The following HDAC9 variants were observed in gnomAD, a reference collection of about 807,000 sequenced individuals.
HDAC9 encodes histone deacetylase 9, also known as MEF-2 interacting transcription repressor (MITR) protein.
HDAC9 carries 41 observed loss-of-function variants against 139.4 expected under a neutral mutation model. That is an observed-to-expected ratio of 0.29 (90% confidence interval 0.23 to 0.38). The LOEUF (loss-of-function observed/expected upper bound fraction) is 0.38. Among genes scored for constraint, HDAC9 ranks in the 10% least tolerant of loss-of-function variants. The pLI is 1.00. For missense variants in HDAC9, 1,147 were observed against 1,297.0 expected, an observed-to-expected ratio of 0.88 and a Z score of 1.78; for synonymous variants, 517 against 476.2, an observed-to-expected ratio of 1.09 and a Z score of -1.12.
intron 17 of HDAC9, among the ~76,000 whole-genome samples, chr7:18,822,937 G>A (rs1004823594): frequency 6.6e-6 from 1 of 152,166 alleles, no homozygotes; most frequent in African/African-American, 2.4e-5. Flanking sequence ...TGTTATTTTT[G>A]TATTATATAT....
Position 18,479,111 on chromosome 7 carries a change from T to C in HDAC9, c.-41-17151T>C, listed in dbSNP as rs192403957. On this transcript the variant is annotated intron_variant, in intron 1 of 3. Transcript: ENST00000413509. ...TTAAAAGTGTCTTTGCACAAAATTATATTATTATATCATGTTTATCAATCT... is the reference window on the plus strand; with the variant it reads ...TTAAAAGTGTCTTTGCACAAAATTACATTATTATATCATGTTTATCAATCT... Among the ~76,000 whole-genome samples the C allele has an allele frequency of 1.8e-4, 28 of 152,278 alleles. No homozygotes were observed. The Middle Eastern group carries it at 0.01, about 55-fold the overall frequency.
intron 13 of HDAC9, among the ~76,000 whole-genome samples, chr7:18,733,680 TATAC>T (rs1373958609): frequency 6.6e-6 from 1 of 151,930 alleles, no homozygotes; most frequent in Non-Finnish European, 1.5e-5. Context: ...ATCTCATATG[TATAC>T]ATACATACAC....
intron 22 of HDAC9, among the ~76,000 whole-genome samples, chr7:18,881,952 G>A (rs980657215): frequency 1.3e-5 from 2 of 152,020 alleles, no homozygotes; most frequent in Admixed American, 1.3e-4. Context: ...TTAGATTAGG[G>A]TGAACACAGG....
intron 1 of HDAC9, among the ~76,000 whole-genome samples, chr7:18,108,517 G>A (rs1482978247): frequency 6.6e-6 from 1 of 151,732 alleles, no homozygotes; most frequent in Non-Finnish European, 1.5e-5. Flanking sequence ...TATTTCAAAT[G>A]AGAACTTATT....
intron 14 of HDAC9, among the ~76,000 whole-genome samples, chr7:18,756,475 C>G (rs893755741): frequency 6.6e-6 from 1 of 152,184 alleles, no homozygotes; most frequent in Non-Finnish European, 1.5e-5. Context: ...TTTGAAAATC[C>G]TTATTCAGGT....
At chr7:18,830,984 C>T (rs1263153545) in intron 19 of HDAC9, among the ~76,000 whole-genome samples, 2 of 152,222 alleles carry the variant, frequency 1.3e-5, no homozygotes, top group Non-Finnish European at 2.9e-5. Flanking sequence ...GTATGCTCCT[C>T]TTTCTGTAAG....
intron 1 of HDAC9, among the ~76,000 whole-genome samples, chr7:18,121,785 C>A (rs1784379925): frequency 6.6e-6 from 1 of 152,014 alleles, no homozygotes; most frequent in Non-Finnish European, 1.5e-5. Flanking sequence ...ATAATAACTA[C>A]ATTCTTTTTA....
intron 1 of HDAC9, among the ~76,000 whole-genome samples, chr7:18,479,500 T>C (rs1795376783): frequency 6.6e-6 from 1 of 152,206 alleles, no homozygotes; most frequent in African/African-American, 2.4e-5. Flanking sequence ...CCTAGTTGTC[T>C]ATATTTGAAC....
At chr7:18,958,675 G>A (rs1585408938) in intron 24 of HDAC9, among the ~76,000 whole-genome samples, 1 of 152,126 alleles carries the variant, frequency 6.6e-6, no homozygotes. Context: ...CTGCAAATGT[G>A]TGTTGAATGA....
intron 14 of HDAC9, 32 bp from the exon 15 acceptor site, chr7:18,762,125 G>A: frequency 6.2e-7 from 1 of 1,612,460 alleles, no homozygotes; most frequent in Non-Finnish European, 8.5e-7. Context: ...GTTGTCAGTG[G>A]TGTACTGTTG....
intron 2 of HDAC9, among the ~76,000 whole-genome samples, chr7:18,528,147 A>G (rs60760278): frequency 6.6e-6 from 1 of 152,030 alleles, no homozygotes; most frequent in African/African-American, 2.4e-5. Flanking sequence ...GAAAATAAAA[A>G]TAAAAATAAA....
intron 2 of HDAC9, among the ~76,000 whole-genome samples, chr7:18,190,063 C>G (rs796874870): frequency 6.6e-6 from 1 of 151,988 alleles, no homozygotes; most frequent in Non-Finnish European, 1.5e-5. Context: ...CCTCAACCTC[C>G]CAACTAGCTG....
chr7:18,677,396 A>T (rs1248091139), intron 12 of HDAC9, among the ~76,000 whole-genome samples: 1 of 151,830 alleles, frequency 6.6e-6, no homozygotes, highest in African/African-American at 2.4e-5. Context: ...TATTGATGGA[A>T]ATGTAGGTTA....
chr7:18,781,262 G>A (rs746983893), intron 16 of HDAC9, among the ~76,000 whole-genome samples: 4 of 151,950 alleles, frequency 2.6e-5, no homozygotes, highest in Non-Finnish European at 4.4e-5. Flanking sequence ...TTCAATATGC[G>A]AATTCTGAGG....
At chr7:18,730,149 G>C (rs1327739199) in intron 13 of HDAC9, among the ~76,000 whole-genome samples, 3 of 152,082 alleles carry the variant, frequency 2.0e-5, no homozygotes, top group African/African-American at 7.2e-5. Context: ...CACTGGCATT[G>C]GGATTAAAAT....
rs372534403 is a variant in HDAC9 at position 18,482,718 on chromosome 7, C to G, written c.-41-13544C>G. On this transcript the variant is annotated intron_variant, in intron 1 of 3. Transcript: ENST00000413509. Reference sequence around the variant, plus strand: ...GAATCACAGAGCATAACTTTTCTTCCTGGGCCATCGAATCAAAGCATTACC... The same window carrying G: ...GAATCACAGAGCATAACTTTTCTTCGTGGGCCATCGAATCAAAGCATTACC... Among the ~76,000 whole-genome samples, 6 of 152,222 alleles carry G rather than the reference C, an allele frequency of 3.9e-5. No individual in the cohort carries two copies. In the East Asian group the frequency reaches 9.7e-4, roughly 24 times the overall value.
intron 1 of HDAC9, among the ~76,000 whole-genome samples, chr7:18,153,559 T>G (rs1414466820): frequency 6.6e-6 from 1 of 152,146 alleles, no homozygotes; most frequent in Non-Finnish European, 1.5e-5. Flanking sequence ...GTACTTTCAA[T>G]TCCTCATCTG....
intron 6 of HDAC9, among the ~76,000 whole-genome samples, chr7:18,606,734 C>T (rs1481276896): frequency 1.3e-5 from 2 of 151,998 alleles, no homozygotes; most frequent in Non-Finnish European, 2.9e-5. Context: ...TTTAAGCATT[C>T]ATTTTGATAG....
At chr7:18,356,373 T>TG (rs1261685513) in intron 1 of HDAC9, among the ~76,000 whole-genome samples, 2 of 144,394 alleles carry the variant, frequency 1.4e-5, no homozygotes, top group Non-Finnish European at 3.0e-5. Flanking sequence ...TTTTTTTTTT[T>TG]TTTTTTTTTT....
Sources: allele counts gnomAD v4.1 joint callset (sites outside exome capture counted in the v4.1 genomes callset), GRCh38; gene constraint gnomAD v4.1.1; transcripts MANE v1.5; gene names NCBI Gene and HGNC (gene_info 2026-07-23, HGNC 2026-07-21).